The following WDR7 variants were observed in gnomAD, a reference collection of about 807,000 sequenced individuals.
WDR7 encodes WD repeat-containing protein 7.
A neutral mutation model predicts 169.4 loss-of-function variants in WDR7; 46 were observed. The observed-to-expected ratio is 0.27, with a 90% confidence interval of 0.21 to 0.35. The LOEUF (loss-of-function observed/expected upper bound fraction) is 0.35, where lower values mean the gene tolerates loss of function less well. Among genes scored for constraint, WDR7 ranks in the 10% least tolerant of loss-of-function variants. The pLI is 1.00. For synonymous variants in WDR7, 612 were observed against 666.8 expected, an observed-to-expected ratio of 0.92 and a Z score of 1.27; for missense variants, 1,534 against 1,859.3, an observed-to-expected ratio of 0.83 and a Z score of 3.22.
At chr18:56,951,531 T>C (rs370885758) in intron 25 of WDR7, among the ~76,000 whole-genome samples, 1 of 152,162 alleles carries the variant, frequency 6.6e-6, no homozygotes, top group Non-Finnish European at 1.5e-5. Flanking sequence ...AGCATTTGTG[T>C]TTAGCTTGCT....
At chr18:56,765,608 G>A (rs1225590070) in intron 16 of WDR7, among the ~76,000 whole-genome samples, 2 of 151,688 alleles carry the variant, frequency 1.3e-5, no homozygotes, top group African/African-American at 4.9e-5. Flanking sequence ...AATTATTCTT[G>A]TGATTTGTGT....
At chr18:56,981,901 C>G (rs1478966397) in intron 26 of WDR7, among the ~76,000 whole-genome samples, 1 of 152,108 alleles carries the variant, frequency 6.6e-6, no homozygotes, top group Admixed American at 6.5e-5. Context: ...GGATATTTCA[C>G]TACTACAGGA....
chr18:56,987,846 T>C (rs183864667), intron 26 of WDR7, among the ~76,000 whole-genome samples: 2 of 152,370 alleles, frequency 1.3e-5, no homozygotes, highest in Admixed American at 6.5e-5. Flanking sequence ...TGGATTATGA[T>C]GAATCACTGT....
At chr18:56,879,814 C>T in intron 20 of WDR7, 130 bp from the exon 21 acceptor site, 1 of 597,766 alleles carries the variant, frequency 1.7e-6, no homozygotes, top group South Asian at 2.0e-5. Flanking sequence ...CTGTGAGTAA[C>T]CATTTGTCCT....
chr18:56,731,838 T>C (rs753962755), intron 14 of WDR7, among the ~76,000 whole-genome samples: 11 of 152,226 alleles, frequency 7.2e-5, no homozygotes, highest in Non-Finnish European at 1.5e-4. Context: ...TAAGTGACTT[T>C]AGTTTCTGAA....
At chr18:56,974,126 G>A (rs1247677155) in intron 26 of WDR7, among the ~76,000 whole-genome samples, 3 of 152,050 alleles carry the variant, frequency 2.0e-5, no homozygotes, top group Non-Finnish European at 4.4e-5. Flanking sequence ...CATTCTCAGA[G>A]TATAATTCTA....
chr18:56,746,656 C>T (rs987858779), intron 14 of WDR7, among the ~76,000 whole-genome samples: 1 of 152,170 alleles, frequency 6.6e-6, no homozygotes, highest in Non-Finnish European at 1.5e-5. Flanking sequence ...GGGTCTTCCT[C>T]TCTGATCCTC....
At chr18:56,858,845 A>G (rs2045760480) in intron 20 of WDR7, among the ~76,000 whole-genome samples, 1 of 152,222 alleles carries the variant, frequency 6.6e-6, no homozygotes, top group Non-Finnish European at 1.5e-5. Flanking sequence ...GCAAAATGAC[A>G]GAAGTCGTCT....
intron 14 of WDR7, among the ~76,000 whole-genome samples, chr18:56,748,413 A>G (rs1025787556): frequency 5.9e-5 from 9 of 152,312 alleles, no homozygotes; most frequent in African/African-American, 2.2e-4. Context: ...ACCTCTTAAT[A>G]TATTAATACT....
chr18:57,008,457 C>T (rs1027043527), intron 26 of WDR7, among the ~76,000 whole-genome samples: 2 of 152,220 alleles, frequency 1.3e-5, no homozygotes, highest in Non-Finnish European at 2.9e-5. Context: ...CTTTCTGCCT[C>T]GTTTTCAAGC....
intron 1 of WDR7, among the ~76,000 whole-genome samples, chr18:56,655,815 T>C (rs970971004): frequency 6.6e-6 from 1 of 152,212 alleles, no homozygotes; most frequent in Non-Finnish European, 1.5e-5. Context: ...CATGTAATCT[T>C]TTGAAATTGA....
At chr18:56,911,611 C>A (rs954941966) in intron 21 of WDR7, among the ~76,000 whole-genome samples, 35 of 152,260 alleles carry the variant, frequency 2.3e-4, no homozygotes, top group African/African-American at 7.7e-4. Flanking sequence ...TATCTGGGGT[C>A]TTTGACTGTG....
Position 56,758,930 on chromosome 18 carries a change from T to C in WDR7, c.2825T>C (p.Ile942Thr). 6.2e-7 allele frequency: 1 copy of C among 1,613,230 alleles called. No individual in the cohort carries two copies. Among genetic ancestry groups the C allele is most frequent in the Non-Finnish European group, 8.5e-7 (1 of 1,179,496 alleles). The change falls in exon 16 of 28, where the codon ATT becomes ACT. Residue 942 changes from isoleucine (I) to threonine (T), a missense_variant. Transcript: ENST00000254442. ...ARGSPPTSSN[I>T]VQGQIKQVAA... ...GGTTCCCCTCCAACTTCCAGTAATA[T>C]TGTGCAAGGACAGATTAAACAAGGT... is the stretch of plus-strand genomic sequence containing the variant.
At chr18:56,757,941 C>T (rs1001169261) in intron 15 of WDR7, among the ~76,000 whole-genome samples, 4 of 151,526 alleles carry the variant, frequency 2.6e-5, no homozygotes, top group African/African-American at 9.7e-5. Flanking sequence ...TGTACTCCAG[C>T]CTAAGCAACA....
At chr18:56,846,951 G>A (rs2045577513) in intron 20 of WDR7, among the ~76,000 whole-genome samples, 2 of 152,190 alleles carry the variant, frequency 1.3e-5, no homozygotes, top group African/African-American at 4.8e-5. Flanking sequence ...ACTGAGGAAT[G>A]GGGCATTGCT....
Position 56,758,933 on chromosome 18 carries a change from T to C in WDR7, c.2828T>C (p.Val943Ala). The C allele has an allele frequency of 6.2e-7, 1 of 1,612,856 alleles. No homozygotes were observed. Among genetic ancestry groups the C allele is most frequent in the Non-Finnish European group, 8.5e-7 (1 of 1,179,292 alleles). The change falls in exon 16 of 28, where the codon GTG (valine) becomes GCG (alanine). Residue 943 changes from valine (V) to alanine (A), a missense_variant. Transcript: ENST00000254442. ...TCCCCTCCAACTTCCAGTAATATTG[T>C]GCAAGGACAGATTAAACAAGGTAAA... Reference protein sequence around the residue: ...RGSPPTSSNIVQGQIKQVAAP... With the variant: ...RGSPPTSSNIAQGQIKQVAAP...
At chr18:56,718,927 G>C (rs2026254101) in intron 13 of WDR7, among the ~76,000 whole-genome samples, 1 of 151,966 alleles carries the variant, frequency 6.6e-6, no homozygotes, top group African/African-American at 2.4e-5. Flanking sequence ...ATACATATTT[G>C]TGCATGCACT....
chr18:56,803,078 T>C (rs1895085), intron 19 of WDR7, among the ~76,000 whole-genome samples: 20,114 of 152,224 alleles, frequency 0.13, 2,061 homozygotes, highest in African/African-American at 0.29. Context: ...CCTATATTCT[T>C]ACATGGTACT....
At chr18:57,001,047 AAGAGAGAGAGAGAGAGAGAGAGAG>A (rs10536689) in intron 26 of WDR7, among the ~76,000 whole-genome samples, 3 of 129,422 alleles carry the variant, frequency 2.3e-5, no homozygotes, top group East Asian at 2.1e-4. Flanking sequence ...ATCTCTACAA[AAGAGAGAGAGAGAGAGAGAGAGAG>A]AGAGAGAGAG....
Sources: gnomAD v4.1 joint callset for allele counts (sites outside exome capture counted in the v4.1 genomes callset) on GRCh38, gnomAD v4.1.1 for gene constraint, MANE v1.5 for transcripts, NCBI Gene and HGNC (gene_info 2026-07-23, HGNC 2026-07-21) for gene names.